The following ERICH6 variants were observed in gnomAD, a reference collection of about 807,000 sequenced individuals.
The protein encoded by ERICH6 is glutamate-rich protein 6.
A neutral mutation model predicts 71.0 loss-of-function variants in ERICH6; 71 were observed. The observed-to-expected ratio is 1.00, with a 90% CI of 0.83 to 1.22. The LOEUF (loss-of-function observed/expected upper bound fraction) is 1.22. ERICH6 is among the 50% of genes most tolerant of loss of function. The pLI is 0.00. For synonymous variants in ERICH6, 262 were observed against 278.4 expected (o/e 0.94, Z 0.59); for missense variants, 808 against 797.2 (o/e 1.01, Z -0.16).
intron 11 of ERICH6, among the ~76,000 whole-genome samples, chr3:150,673,017 C>T (rs763359778): frequency 2.0e-4 from 31 of 151,848 alleles, no homozygotes; most frequent in Middle Eastern, 3.2e-3. Flanking sequence ...ACAGTGAGAC[C>T]CTGTCTTAAA....
rs1229048791 is a variant in ERICH6 at position 150,686,293 on chromosome 3, T to C, written c.610+5A>G. The C allele has an allele frequency of 6.2e-7, 1 of 1,613,972 alleles. No homozygotes were observed. Among genetic ancestry groups the C allele is most frequent in the African/African-American group, 1.3e-5 (1 of 74,926 alleles). On this transcript the variant is annotated splice_donor_5th_base_variant and intron_variant, in intron 4 of 13. Coordinates refer to ENST00000295910, the MANE Select transcript of ERICH6 (RefSeq NM_152394.5). Reference sequence around the variant, plus strand: ...AAAAGGAGATGATGCCAAACATGTATTTACCTCTTAACTTAGATGCCAGAC... The same window carrying C: ...AAAAGGAGATGATGCCAAACATGTACTTACCTCTTAACTTAGATGCCAGAC...
chr3:150,674,353 AG>A (rs1288668026), intron 10 of ERICH6, among the ~76,000 whole-genome samples: 3 of 152,082 alleles, frequency 2.0e-5, no homozygotes, highest in Admixed American at 6.6e-5. Context: ...AACCAGCCCC[AG>A]CACAATGTGC....
intron 6 of ERICH6, among the ~76,000 whole-genome samples, chr3:150,682,710 T>G (rs1047927287): frequency 1.4e-4 from 21 of 152,288 alleles, no homozygotes; most frequent in African/African-American, 5.1e-4. Flanking sequence ...ATACAAATGA[T>G]CTAAGTATTT....
chr3:150,703,863 G>C lies in ERICH6; in HGVS notation c.36C>G (p.Asp12Glu). 1.9e-6 allele frequency: 3 copies of C among 1,609,288 alleles called. No individual in the cohort carries two copies. Among genetic ancestry groups the C allele is most frequent in the Middle Eastern group, 3.3e-4 (2 of 6,038 alleles). The change falls in exon 1 of 14, where the codon GAC becomes GAG. Residue 12 changes from aspartate (D) to glutamate (E), a missense_variant. Around this residue, in one of 3 missense-constraint regions of ERICH6, gnomAD observed 53 missense variants for 40.6 expected, o/e 1.30. Transcript: ENST00000295910. ...ACTCCTTCTGGTCCTTCTTCCCCGG[G>C]TCTCCGAAGCCGCTAGGCGAGCGCA... ...AHLRSPSGFG[D>E]PGKKDQKESE...
At chr3:150,673,707 G>T (rs185270615) in intron 11 of ERICH6, among the ~76,000 whole-genome samples, 9 of 152,198 alleles carry the variant, frequency 5.9e-5, no homozygotes, top group Non-Finnish European at 1.3e-4. Flanking sequence ...TTCTACTTCA[G>T]TCTCCCGAGT....
rs999200579 is a variant in ERICH6 at position 150,686,489 on chromosome 3, C to T, written c.554-135G>A. 1.9e-5 allele frequency: 14 copies of T among 733,482 alleles called. No individual in the cohort carries two copies. The African/African-American group carries it at 2.5e-4, about 13-fold the overall frequency. 45.4% of individuals were successfully genotyped at this position (733,482 alleles called of 1,614,324 possible). On this transcript the variant is annotated intron_variant, in intron 3 of 13. Coordinates refer to ENST00000295910, the MANE Select transcript of ERICH6 (RefSeq NM_152394.5). ...ATCTTTTAATCTTTTGTCTCTTTTT[C>T]CAAATAACATTTTGCCGACAATAAG... is the stretch of plus-strand genomic sequence containing the variant.
At chr3:150,691,646 T>TA (rs1181130048) in intron 3 of ERICH6, among the ~76,000 whole-genome samples, 1 of 152,124 alleles carries the variant, frequency 6.6e-6, no homozygotes, top group African/African-American at 2.4e-5. Flanking sequence ...AGGATTTCTT[T>TA]AAAAAAACTT....
chr3:150,685,005 A>C (rs1485861504), intron 6 of ERICH6, among the ~76,000 whole-genome samples: 1 of 150,440 alleles, frequency 6.6e-6, no homozygotes, highest in Non-Finnish European at 1.5e-5. Context: ...ACCTTGTCTC[A>C]AAAAAAAAAA....
intron 13 of ERICH6, among the ~76,000 whole-genome samples, chr3:150,662,277 CTTTA>C (rs1332901543): frequency 6.6e-6 from 1 of 152,176 alleles, no homozygotes; most frequent in Non-Finnish European, 1.5e-5. Flanking sequence ...GAGTCAGCAT[CTTTA>C]ATTTCCTGAT....
intron 2 of ERICH6, among the ~76,000 whole-genome samples, chr3:150,699,312 A>AAAACAAAC (rs1055327980): frequency 6.6e-6 from 1 of 152,188 alleles, no homozygotes; most frequent in African/African-American, 2.4e-5. Context: ...CTCTATCTCA[A>AAAACAAAC]AAACAAACAA....
At chr3:150,677,616 C>T (rs569263941) in intron 10 of ERICH6, among the ~76,000 whole-genome samples, 14 of 152,066 alleles carry the variant, frequency 9.2e-5, no homozygotes, top group East Asian at 3.9e-4. Context: ...CTGCCTCAGC[C>T]CCCCCAAGTG....
intron 6 of ERICH6, among the ~76,000 whole-genome samples, chr3:150,683,898 T>C (rs988273715): frequency 4.6e-5 from 7 of 152,158 alleles, no homozygotes; most frequent in South Asian, 2.1e-4. Context: ...TCACTAGACC[T>C]GAAAGACCTG....
intron 13 of ERICH6, among the ~76,000 whole-genome samples, chr3:150,661,441 C>T (rs1323337318): frequency 1.3e-5 from 2 of 152,098 alleles, no homozygotes; most frequent in Non-Finnish European, 2.9e-5. Flanking sequence ...TTCTCAAATT[C>T]AAATTGAACA....
At chr3:150,679,633 T>C (rs1322939811) in intron 9 of ERICH6, among the ~76,000 whole-genome samples, 1 of 152,156 alleles carries the variant, frequency 6.6e-6, no homozygotes, top group African/African-American at 2.4e-5. Flanking sequence ...AGCCAACTTA[T>C]ACGACAACTA....
intron 7 of ERICH6, 80 bp downstream of exon 7, chr3:150,682,138 C>T: frequency 8.1e-7 from 1 of 1,232,870 alleles, no homozygotes. Context: ...AATGGCAATG[C>T]AGGGGAAAGA....
At chr3:150,671,426 C>T (rs535116037) in intron 11 of ERICH6, among the ~76,000 whole-genome samples, 1 of 152,234 alleles carries the variant, frequency 6.6e-6, no homozygotes, top group South Asian at 2.1e-4. Context: ...GGCCATCAGG[C>T]AGAAAGTCCA....
At position 150,669,364 on chromosome 3, in the gene ERICH6, G is replaced by C; in HGVS notation, c.1431C>G (p.Asn477Lys). Residue 477 changes from asparagine to lysine, a missense_variant, in exon 12 of 14, where the codon AAC (asparagine) becomes AAG (lysine). Around this residue, in one of 3 missense-constraint regions of ERICH6, gnomAD observed 736 missense variants for 712.2 expected, o/e 1.03. Transcript: ENST00000295910. ...AATCCAGCACTGCTAGGATAGCAGG[G>C]TTAGTGGGCATATCTTCTTGGACTA... ...TCIVQEDMPTNPAILAVLDSS... is the reference protein window; with the variant it reads ...TCIVQEDMPTKPAILAVLDSS... The C allele has an allele frequency of 6.2e-7, 1 of 1,613,904 alleles. No homozygotes were observed. Among genetic ancestry groups the C allele is most frequent in the Non-Finnish European group, 8.5e-7 (1 of 1,179,910 alleles).
At chr3:150,703,201 G>A (rs1712983230) in intron 1 of ERICH6, among the ~76,000 whole-genome samples, 1 of 151,750 alleles carries the variant, frequency 6.6e-6, no homozygotes, top group South Asian at 2.1e-4. Context: ...CTCCAGCCTG[G>A]GCGACAGAGC....
rs764852434 is a variant in ERICH6, at chr3:150,685,954, A to G, written c.666+12T>C. 26 of 1,604,420 alleles carry G rather than the reference A, an allele frequency of 1.6e-5. No individual in the cohort carries two copies. The highest frequency in any genetic ancestry group is 2.1e-5 in the Non-Finnish European group (25 of 1,171,304). ...GAACAGTGTACTAGTTAGTATGATAAACATTTCTTACCTCCAGCTCATATA... is the reference window on the plus strand; with the variant it reads ...GAACAGTGTACTAGTTAGTATGATAGACATTTCTTACCTCCAGCTCATATA... On this transcript the variant is annotated intron_variant, in intron 5 of 13. Coordinates refer to ENST00000295910, the MANE Select transcript of ERICH6 (RefSeq NM_152394.5).
Sources: allele counts gnomAD v4.1 joint callset (sites outside exome capture counted in the v4.1 genomes callset), GRCh38; gene constraint gnomAD v4.1.1; regional missense constraint gnomAD v4.1.1; transcripts MANE v1.5; gene names NCBI Gene and HGNC (gene_info 2026-07-23, HGNC 2026-07-21).